The following AKAP6 variants were observed in gnomAD, a reference collection of about 807,000 sequenced individuals.
The protein encoded by AKAP6 is A-kinase anchoring protein 6.
Under a neutral mutation model 188.5 loss-of-function variants are expected in AKAP6, and 58 were observed. The ratio of observed to expected loss-of-function variants is 0.31; its 90% confidence interval spans 0.25 to 0.38. AKAP6 has a LOEUF of 0.38. Ranked by LOEUF, AKAP6 falls within the 10% of genes least tolerant of loss-of-function variation. The pLI, the probability that AKAP6 is intolerant of heterozygous loss-of-function variation, is 1.00. For synonymous variants in AKAP6, 989 were observed against 998.6 expected (o/e 0.99, Z 0.18); for missense variants, 2,710 against 2,740.0 (o/e 0.99, Z 0.24).
intron 2 of AKAP6, among the ~76,000 whole-genome samples, chr14:32,489,248 C>G (rs564366327): frequency 6.6e-4 from 100 of 152,270 alleles, no homozygotes; most frequent in African/African-American, 2.3e-3. Context: ...CTCACTCTGT[C>G]GCCCAGGCTG....
At chr14:32,415,581 G>A (rs553593096) in intron 1 of AKAP6, among the ~76,000 whole-genome samples, 13 of 152,030 alleles carry the variant, frequency 8.6e-5, no homozygotes, top group Non-Finnish European at 1.9e-4. Flanking sequence ...ACAGTTCAAA[G>A]GTATTAACTA....
intron 7 of AKAP6, among the ~76,000 whole-genome samples, chr14:32,618,556 G>T (rs565109988): frequency 3.9e-5 from 6 of 152,112 alleles, no homozygotes; most frequent in Admixed American, 3.9e-4. Context: ...GTAGTATTCC[G>T]TGGTGTATGT....
At chr14:32,465,915 A>G (rs1230370841) in intron 2 of AKAP6, among the ~76,000 whole-genome samples, 2 of 152,214 alleles carry the variant, frequency 1.3e-5, no homozygotes, top group Non-Finnish European at 1.5e-5. Context: ...ATGTGGGAGA[A>G]GGATATGAAC....
chr14:32,451,981 C>A (rs1264551648), intron 2 of AKAP6, among the ~76,000 whole-genome samples: 3 of 139,344 alleles, frequency 2.2e-5, no homozygotes, highest in Non-Finnish European at 4.7e-5. Flanking sequence ...TCTATGCTAT[C>A]ATTTTTCTTT....
chr14:32,414,432 C>T (rs1889590566), intron 1 of AKAP6, among the ~76,000 whole-genome samples: 2 of 152,248 alleles, frequency 1.3e-5, no homozygotes, highest in South Asian at 2.1e-4. Flanking sequence ...AACCTCCAAA[C>T]ATTTTCTTAA....
At chr14:32,360,743 G>GTGTT (rs1280971514) in intron 1 of AKAP6, among the ~76,000 whole-genome samples, 9 of 150,820 alleles carry the variant, frequency 6.0e-5, no homozygotes, top group Non-Finnish European at 1.2e-4. Context: ...GTGTGTGTGT[G>GTGTT]TGTGTGTGCA....
At chr14:32,827,070 A>G (rs941331683) in intron 13 of AKAP6, among the ~76,000 whole-genome samples, 1 of 152,204 alleles carries the variant, frequency 6.6e-6, no homozygotes, top group Admixed American at 6.5e-5. Context: ...ATAACTGGGT[A>G]TAAATAGTCA....
chr14:32,466,827 T>TTTTATATATATA (rs1555331122), intron 2 of AKAP6, among the ~76,000 whole-genome samples: 2 of 115,116 alleles, frequency 1.7e-5, no homozygotes, highest in Non-Finnish European at 3.2e-5. Context: ...AAAAACAAGA[T>TTTTATATATATA]TATATATATA....
At chr14:32,754,349 T>C (rs1351974770) in intron 11 of AKAP6, among the ~76,000 whole-genome samples, 2 of 152,162 alleles carry the variant, frequency 1.3e-5, no homozygotes, top group Non-Finnish European at 2.9e-5. Flanking sequence ...GCAACTGATG[T>C]TAACAGCTTA....
At chr14:32,518,941 G>C (rs1282954194) in intron 2 of AKAP6, among the ~76,000 whole-genome samples, 1 of 152,216 alleles carries the variant, frequency 6.6e-6, no homozygotes, top group African/African-American at 2.4e-5. Flanking sequence ...AGGGCAGCCA[G>C]AGAGAAAGGT....
Position 32,510,438 on chromosome 14 carries a change from G to GTA in AKAP6, c.325-25105_325-25104dup, listed in dbSNP as rs1236692640. Among the ~76,000 whole-genome samples the GTA allele has an allele frequency of 7.9e-3, 670 of 84,386 alleles. 14 individuals carry two copies. The highest frequency in any genetic ancestry group is 0.016 in the African/African-American group (357 of 22,114). The allele number at this position is 84,386 out of a possible 152,430, so 55.4% of individuals were successfully genotyped here. On this transcript the variant is annotated intron_variant, in intron 2 of 13. Transcript: ENST00000280979. ...TGTATATATATACATATATATATGTGTATATATATATACATATATATGTGT... is the reference window on the plus strand; with the variant it reads ...TGTATATATATACATATATATATGTGTATATATATATATACATATATATGTGT...
chr14:32,344,435 A>G (rs144595874), intron 1 of AKAP6, among the ~76,000 whole-genome samples: 3 of 152,350 alleles, frequency 2.0e-5, no homozygotes, highest in African/African-American at 7.2e-5. Flanking sequence ...AATTAGTCCC[A>G]GTAAATACAA....
At position 32,546,271 on chromosome 14, in the gene AKAP6, G is replaced by A; in HGVS notation, c.1618G>A (p.Ala540Thr). 6.2e-7 allele frequency: 1 copy of A among 1,614,112 alleles called. No individual in the cohort carries two copies. Among genetic ancestry groups the A allele is most frequent in the East Asian group, 2.2e-5 (1 of 44,884 alleles). The change falls in exon 4 of 14, where the codon GCC (alanine) becomes ACC (threonine). Residue 540 changes from alanine (A) to threonine (T), a missense_variant. Physicochemically the swap from Ala to Thr is moderately conservative, Grantham distance 58. Coordinates refer to ENST00000280979, the MANE Select transcript of AKAP6 (RefSeq NM_004274.5). ...TGGAGAGCTTTCTTATACTTCCAAG[G>A]CCATAGAGGGGCCACAAACAAATTC... ...PNGELSYTSKAIEGPQTNSAS... is the reference protein window; with the variant it reads ...PNGELSYTSKTIEGPQTNSAS...
chr14:32,479,380 G>T (rs1345204936), intron 2 of AKAP6, among the ~76,000 whole-genome samples: 1 of 152,066 alleles, frequency 6.6e-6, no homozygotes, highest in Non-Finnish European at 1.5e-5. Context: ...AAAATAATCA[G>T]TGGACCACTA....
chr14:32,492,355 T>TATAGAGAG, intron 2 of AKAP6, among the ~76,000 whole-genome samples: 11 of 82,602 alleles, frequency 1.3e-4, no homozygotes, highest in African/African-American at 3.6e-4. Context: ...TATATATATA[T>TATAGAGAG]AGAGAGAGAG....
At position 32,790,357 on chromosome 14, in the gene AKAP6, A is replaced by C. The variant is rs566231473; in HGVS notation, c.3588+16464A>C. On this transcript the variant is annotated intron_variant, in intron 12 of 13. Coordinates refer to ENST00000280979, the MANE Select transcript of AKAP6 (RefSeq NM_004274.5). ...CCAAGACAGGTCAATGTTCAAATTC[A>C]GGAAATGCAGAGAACCCCAGTAAGA... 9.5e-4 allele frequency among the ~76,000 whole-genome samples: 145 copies of C among 152,304 alleles called. 3 individuals carry two copies. Among genetic ancestry groups the C allele is most frequent in the African/African-American group, 3.2e-3 (134 of 41,572 alleles).
At chr14:32,487,713 C>T (rs537956461) in intron 2 of AKAP6, among the ~76,000 whole-genome samples, 16 of 152,228 alleles carry the variant, frequency 1.1e-4, no homozygotes, top group East Asian at 1.9e-4. Flanking sequence ...TAGTGAACTT[C>T]GGATGGGGTT....
At chr14:32,638,572 T>C (rs539382865) in intron 7 of AKAP6, among the ~76,000 whole-genome samples, 3 of 152,264 alleles carry the variant, frequency 2.0e-5, no homozygotes, top group Admixed American at 2.0e-4. Flanking sequence ...GCTGCAAAAG[T>C]TGATATTATC....
At chr14:32,717,569 CT>C (rs1368807205) in intron 9 of AKAP6, among the ~76,000 whole-genome samples, 3 of 151,556 alleles carry the variant, frequency 2.0e-5, no homozygotes, top group African/African-American at 7.3e-5. Flanking sequence ...CAAATTTTCA[CT>C]TCTTCCTCCT....
Sources: allele counts gnomAD v4.1 joint callset (sites outside exome capture counted in the v4.1 genomes callset), GRCh38; gene constraint gnomAD v4.1.1; transcripts MANE v1.5; gene names NCBI Gene and HGNC (gene_info 2026-07-23, HGNC 2026-07-21).